DACH1: variants seen among roughly 807,000 people sequenced by gnomAD.
DACH1 encodes dachshund homolog 1.
DACH1 carries 12 observed loss-of-function variants against 54.2 expected under a neutral mutation model. That is an observed-to-expected ratio of 0.22 (90% CI 0.14 to 0.36). DACH1 has a LOEUF of 0.36. Ranked by LOEUF, DACH1 falls within the 10% of genes least tolerant of loss-of-function variation. The probability of loss-of-function intolerance (pLI) is 1.00; values close to 1 mark genes in which losing one functional copy is unlikely to be tolerated. For synonymous variants in DACH1, 386 were observed against 366.2 expected, an observed-to-expected ratio of 1.05 and a Z score of -0.62; for missense variants, 805 against 929.8, an observed-to-expected ratio of 0.87 and a Z score of 1.75.
At chr13:71,441,995 G>A (rs1874047057) in intron 10 of DACH1, among the ~76,000 whole-genome samples, 2 of 152,010 alleles carry the variant, frequency 1.3e-5, no homozygotes, top group African/African-American at 2.4e-5. Context: ...AATCACATCT[G>A]GGTAAATGGG....
At chr13:71,723,300 G>T (rs1223128703) in intron 1 of DACH1, among the ~76,000 whole-genome samples, 1 of 151,578 alleles carries the variant, frequency 6.6e-6, no homozygotes, top group Non-Finnish European at 1.5e-5. Flanking sequence ...TGTAGCCCCA[G>T]CTACTCAGGA....
chr13:71,698,462 A>C (rs1159402070), intron 1 of DACH1, among the ~76,000 whole-genome samples: 1 of 152,136 alleles, frequency 6.6e-6, no homozygotes, highest in Non-Finnish European at 1.5e-5. Context: ...TGAAATTTAA[A>C]ATATGAATGC....
At chr13:71,651,767 T>C (rs911283466) in intron 2 of DACH1, among the ~76,000 whole-genome samples, 3 of 152,176 alleles carry the variant, frequency 2.0e-5, no homozygotes, top group Admixed American at 2.0e-4. Flanking sequence ...GTATGCATCA[T>C]AAGCTTCTGA....
intron 6 of DACH1, among the ~76,000 whole-genome samples, chr13:71,516,196 T>C (rs1027591328): frequency 1.3e-5 from 2 of 151,870 alleles, no homozygotes; most frequent in South Asian, 2.1e-4. Flanking sequence ...CAGAAGTAGA[T>C]GCAAATACCT....
intron 2 of DACH1, among the ~76,000 whole-genome samples, chr13:71,652,404 T>C (rs951530913): frequency 1.3e-5 from 2 of 152,132 alleles, no homozygotes; most frequent in South Asian, 2.1e-4. Context: ...ACCTTATCTA[T>C]AGCAATGCTT....
At chr13:71,820,630 T>C (rs911189929) in intron 1 of DACH1, among the ~76,000 whole-genome samples, 6 of 152,162 alleles carry the variant, frequency 3.9e-5, no homozygotes, top group African/African-American at 1.4e-4. Flanking sequence ...AAAATATTAA[T>C]ATATATTTTT....
intron 3 of DACH1, among the ~76,000 whole-genome samples, chr13:71,590,709 T>C (rs1299383967): frequency 6.6e-6 from 1 of 152,058 alleles, no homozygotes; most frequent in African/African-American, 2.4e-5. Flanking sequence ...GGGGGAAAAA[T>C]AGGATATTAT....
intron 1 of DACH1, among the ~76,000 whole-genome samples, chr13:71,746,576 G>A (rs1884610059): frequency 6.6e-6 from 1 of 152,104 alleles, no homozygotes; most frequent in African/African-American, 2.4e-5. Flanking sequence ...TACCCCCAGA[G>A]CACCAGCAAC....
At chr13:71,527,972 C>T (rs1198893762) in intron 6 of DACH1, among the ~76,000 whole-genome samples, 1 of 151,094 alleles carries the variant, frequency 6.6e-6, no homozygotes, top group Non-Finnish European at 1.5e-5. Flanking sequence ...AACCATATAA[C>T]AGTTCAAGAT....
intron 3 of DACH1, among the ~76,000 whole-genome samples, chr13:71,617,451 A>G (rs1257402672): frequency 6.6e-6 from 1 of 152,194 alleles, no homozygotes; most frequent in Admixed American, 6.5e-5. Flanking sequence ...GAAATTTCAA[A>G]CCACAAATCA....
At chr13:71,779,170 T>C (rs554643676) in intron 1 of DACH1, among the ~76,000 whole-genome samples, 7 of 62,034 alleles carry the variant, frequency 1.1e-4, no homozygotes, top group South Asian at 3.2e-4. Context: ...TATATACGTA[T>C]ATATATACAC....
At chr13:71,657,035 C>T (rs1449929617) in intron 2 of DACH1, among the ~76,000 whole-genome samples, 1 of 141,926 alleles carries the variant, frequency 7.0e-6, no homozygotes, top group African/African-American at 2.6e-5. Context: ...CATATATATA[C>T]ATAAACATGT....
At chr13:71,796,273 T>C (rs1052737286) in intron 1 of DACH1, among the ~76,000 whole-genome samples, 4 of 152,120 alleles carry the variant, frequency 2.6e-5, no homozygotes, top group Non-Finnish European at 5.9e-5. Context: ...TAAAGAAAAA[T>C]TAAGGGTTCC....
At chr13:71,448,058 C>T (rs17203450) in intron 10 of DACH1, among the ~76,000 whole-genome samples, 312 of 152,232 alleles carry the variant, frequency 2.0e-3, no homozygotes, top group Admixed American at 3.2e-3. Context: ...ATCTTTTGCA[C>T]GAAGGACTTA....
chr13:71,691,855 T>G (rs1881492679), intron 1 of DACH1, among the ~76,000 whole-genome samples: 1 of 152,172 alleles, frequency 6.6e-6, no homozygotes. Flanking sequence ...TAAACCGTGT[T>G]AAATACTGTA....
chr13:71,784,652 A>G (rs1258609601), intron 1 of DACH1, among the ~76,000 whole-genome samples: 1 of 151,986 alleles, frequency 6.6e-6, no homozygotes, highest in African/African-American at 2.4e-5. Context: ...GCCCTCTCCT[A>G]CCCTTTTCTT....
intron 2 of DACH1, among the ~76,000 whole-genome samples, chr13:71,669,022 T>C (rs966539644): frequency 1.3e-5 from 2 of 152,176 alleles, no homozygotes; most frequent in Admixed American, 1.3e-4. Flanking sequence ...TATTCAAACA[T>C]TCAAATAGAG....
rs141479886 is a variant in DACH1, at chr13:71,859,900, GAGA to G, written c.848+6019_848+6021del. Among the ~76,000 whole-genome samples, 266 of 151,946 alleles carry G rather than the reference GAGA, an allele frequency of 1.8e-3. 1 individual carries two copies. The highest frequency in any genetic ancestry group is 6.3e-3 in the African/African-American group (260 of 41,530). On this transcript the variant is annotated intron_variant, in intron 1 of 10. Coordinates refer to ENST00000613252, the MANE Select transcript of DACH1 (RefSeq NM_080759.6). ...TTACTAGAAATATTTTTGGCAGATTGAGAAGAAGGAAACAAGAAATTTGAGCAA... is the reference window on the plus strand; with the variant it reads ...TTACTAGAAATATTTTTGGCAGATTGAGAAGGAAACAAGAAATTTGAGCAA...
chr13:71,696,766 C>T (rs144595610), intron 1 of DACH1, among the ~76,000 whole-genome samples: 6 of 152,178 alleles, frequency 3.9e-5, no homozygotes, highest in East Asian at 1.9e-4. Flanking sequence ...AGGCTGATCT[C>T]GAACTCCTAA....
Sources: gnomAD v4.1 joint callset for allele counts (sites outside exome capture counted in the v4.1 genomes callset) on GRCh38, gnomAD v4.1.1 for gene constraint, MANE v1.5 for transcripts, NCBI Gene and HGNC (gene_info 2026-07-23, HGNC 2026-07-21) for gene names.